SCARB1: variants seen among roughly 807,000 people sequenced by gnomAD.
SCARB1 encodes CD36 and LIMPII analogous 1.
SCARB1 carries 30 observed loss-of-function variants against 57.2 expected under a neutral mutation model. The observed-to-expected ratio is 0.52, with a 90% confidence interval of 0.39 to 0.71. SCARB1 has a LOEUF of 0.71. SCARB1 is among the 30% of genes least tolerant of loss of function. The pLI, the probability that SCARB1 is intolerant of heterozygous loss-of-function variation, is 0.00. For missense variants in SCARB1, 543 were observed against 671.2 expected, an observed-to-expected ratio of 0.81 and a Z score of 2.11; for synonymous variants, 249 against 268.3, an observed-to-expected ratio of 0.93 and a Z score of 0.70.
At position 124,807,258 on chromosome 12, in the gene SCARB1, G is replaced by A. The variant is rs1337419534; in HGVS notation, c.1009+503C>T. ...TGTCCTGGGGTATCCAGGAGAGCAC[G>A]ATGTGGTCTTAAGGGTCCTTAGAAC... On this transcript the variant is annotated intron_variant, in intron 7 of 12. Transcript: ENST00000261693. The surrounding 1 kb of genome is among the most constrained non-coding windows in gnomAD (Gnocchi z 5.3). Among the ~76,000 whole-genome samples, 2 of 152,110 alleles carry A rather than the reference G, an allele frequency of 1.3e-5. No individual in the cohort carries two copies. The highest frequency in any genetic ancestry group is 2.4e-5 in the African/African-American group (1 of 41,398).
Position 124,788,494 on chromosome 12 carries a change from T to A in SCARB1, c.1203-1037A>T, listed in dbSNP as rs902513706. Among the ~76,000 whole-genome samples, 5 of 152,050 alleles carry A rather than the reference T, an allele frequency of 3.3e-5. No individual in the cohort carries two copies. In the South Asian group the frequency reaches 6.2e-4, roughly 19 times the overall value. On this transcript the variant is annotated intron_variant, in intron 9 of 12. Transcript: ENST00000261693. Reference sequence around the variant, plus strand: ...AGCTGGGAGGTGAACCTTTTTTCCCTCCTCCCTTTCAGATGCCTGAAACGC... The same window carrying A: ...AGCTGGGAGGTGAACCTTTTTTCCCACCTCCCTTTCAGATGCCTGAAACGC...
At position 124,807,401 on chromosome 12, in the gene SCARB1, A is replaced by C. The variant is rs1346025902; in HGVS notation, c.1009+360T>G. The stretch of plus-strand genomic sequence containing the variant: ...AGGGCCCGGGAGCCAAGAAACACAG[A>C]GGGGCCTCTGGAAGCCAGAAAAGGC... On this transcript the variant is annotated intron_variant, in intron 7 of 12. Coordinates refer to ENST00000261693, the MANE Select transcript of SCARB1 (RefSeq NM_005505.5). The surrounding 1 kb of genome is among the most constrained non-coding windows in gnomAD (Gnocchi z 5.3). Among the ~76,000 whole-genome samples the C allele has an allele frequency of 6.6e-6, 1 of 152,090 alleles. No homozygotes were observed. Among genetic ancestry groups the C allele is most frequent in the Non-Finnish European group, 1.5e-5 (1 of 68,008 alleles).
chr12:124,828,782 C>A (rs1025329540), intron 1 of SCARB1, among the ~76,000 whole-genome samples: 7 of 152,194 alleles, frequency 4.6e-5, no homozygotes, highest in Admixed American at 6.5e-5. Flanking sequence ...CTTGACCTGG[C>A]CACTGAATTG....
chr12:124,843,790 C>CA (rs1463601796), intron 1 of SCARB1, among the ~76,000 whole-genome samples: 1 of 152,174 alleles, frequency 6.6e-6, no homozygotes, highest in African/African-American at 2.4e-5. Context: ...ACATGGCCCT[C>CA]AAAATCTCTG....
chr12:124,844,767 T>C (rs11057853), intron 1 of SCARB1, among the ~76,000 whole-genome samples: 69,071 of 151,418 alleles, frequency 0.46, 15,901 homozygotes, highest in African/African-American at 0.51. Flanking sequence ...CGGGAATACA[T>C]GGTCTTTGGC....
At chr12:124,794,041 C>T (rs897820704) in intron 9 of SCARB1, among the ~76,000 whole-genome samples, 4 of 152,176 alleles carry the variant, frequency 2.6e-5, no homozygotes, top group Non-Finnish European at 5.9e-5. Flanking sequence ...AGAAGCCAGT[C>T]GCAAAAGACC....
intron 1 of SCARB1, among the ~76,000 whole-genome samples, chr12:124,844,730 C>T (rs1952070057): frequency 6.6e-6 from 1 of 152,150 alleles, no homozygotes; most frequent in African/African-American, 2.4e-5. Context: ...ACATCCTGAT[C>T]TCAGACTTCC....
chr12:124,838,842 C>T (rs560135243), intron 1 of SCARB1, among the ~76,000 whole-genome samples: 1 of 131,388 alleles, frequency 7.6e-6, no homozygotes, highest in South Asian at 2.6e-4. Flanking sequence ...GTGGTGTGAT[C>T]TCAGCTCACT....
At chr12:124,862,465 C>A (rs1952938119) in intron 1 of SCARB1, 1 of 152,232 alleles carries the variant, frequency 6.6e-6, no homozygotes. Context: ...CAGATCTAAG[C>A]AGATCCTTCA....
chr12:124,835,611 T>C (rs1951617988), intron 1 of SCARB1, among the ~76,000 whole-genome samples: 1 of 151,804 alleles, frequency 6.6e-6, no homozygotes, highest in Non-Finnish European at 1.5e-5. Flanking sequence ...ACTCAAAATT[T>C]CTTATACACC....
chr12:124,785,993 A>T, intron 11 of SCARB1: 1 of 1,384,056 alleles, frequency 7.2e-7, no homozygotes, highest in Non-Finnish European at 9.6e-7. Context: ...CAGGGATCTC[A>T]GCTGTCTCCT....
At chr12:124,856,358 T>C (rs978570900) in intron 1 of SCARB1, among the ~76,000 whole-genome samples, 15 of 152,138 alleles carry the variant, frequency 9.9e-5, no homozygotes, top group Admixed American at 2.0e-4. Context: ...CAGGTGTGTG[T>C]GTCACTGTTT....
At chr12:124,809,966 C>A (rs1004398706) in intron 6 of SCARB1, among the ~76,000 whole-genome samples, 4 of 152,238 alleles carry the variant, frequency 2.6e-5, no homozygotes, top group Non-Finnish European at 5.9e-5. Context: ...AAACCACCAC[C>A]AGCAGCCTCT....
chr12:124,783,386 AG>A (rs1949386923), intron 11 of SCARB1: 1 of 152,570 alleles, frequency 6.6e-6, no homozygotes, highest in Non-Finnish European at 1.5e-5. Context: ...ACCTGGCTCA[AG>A]TGGAAAATTT....
chr12:124,847,925 A>T (rs1952230128), intron 1 of SCARB1, among the ~76,000 whole-genome samples: 1 of 152,200 alleles, frequency 6.6e-6, no homozygotes, highest in South Asian at 2.1e-4. Flanking sequence ...AGACAAATCC[A>T]AATCAAGGGC....
chr12:124,781,577 G>A (rs974977767), intron 12 of SCARB1, among the ~76,000 whole-genome samples: 1 of 152,090 alleles, frequency 6.6e-6, no homozygotes, highest in African/African-American at 2.4e-5. Context: ...AACCCCCAGG[G>A]GCATCAGCCT....
In SCARB1 at chr12:124,811,880, C is replaced by G. The variant is rs767934483; in HGVS notation, c.716G>C (p.Gly239Ala). 6.2e-7 allele frequency: 1 copy of G among 1,612,066 alleles called. No homozygotes were observed. The highest frequency in any genetic ancestry group is 1.1e-5 in the South Asian group (1 of 90,452). ...SRIHLVDKWNGLSKVDFWHSD... is the reference protein window; with the variant it reads ...SRIHLVDKWNALSKVDFWHSD... ...CCTCTCGCCCCTCACCTTGCTCAGC[C>G]CGTTCCACTTGTCCACGAGGTGGAT... The change falls in exon 5 of 13, where the codon GGG becomes GCG. Residue 239 changes from glycine to alanine, a missense_variant. Coordinates refer to ENST00000261693, the MANE Select transcript of SCARB1 (RefSeq NM_005505.5).
chr12:124,840,675 C>G (rs1349908682), intron 1 of SCARB1, among the ~76,000 whole-genome samples: 1 of 152,156 alleles, frequency 6.6e-6, no homozygotes. Flanking sequence ...GAGGAACCAC[C>G]CTTGATTCCT....
Position 124,844,526 on chromosome 12 carries a change from C to A in SCARB1, c.126+19069G>T, listed in dbSNP as rs140044202. ...GTGCATCAGAATGTGACTGTATTGG[C>A]GCGGGGGGCAGGGCCTTTAAATCGG... On this transcript the variant is annotated intron_variant, in intron 1 of 12. Transcript: ENST00000261693. 6.8e-4 allele frequency among the ~76,000 whole-genome samples: 104 copies of A among 152,246 alleles called. 1 individual carries two copies. Among genetic ancestry groups the A allele is most frequent in the African/African-American group, 2.4e-3 (99 of 41,542 alleles).
Sources: allele counts gnomAD v4.1 joint callset (sites outside exome capture counted in the v4.1 genomes callset), GRCh38; gene constraint gnomAD v4.1.1; non-coding constraint Gnocchi (gnomAD v3.1); transcripts MANE v1.5; gene names NCBI Gene and HGNC (gene_info 2026-07-23, HGNC 2026-07-21).